MMP16: variants seen among roughly 807,000 people sequenced by gnomAD.
MMP16 encodes the protein matrix metalloproteinase-16.
A neutral mutation model predicts 67.8 loss-of-function variants in MMP16; 12 were observed. The ratio of observed to expected loss-of-function variants is 0.18; its 90% CI spans 0.11 to 0.29. The LOEUF is 0.29. Among genes scored for constraint, MMP16 ranks in the 10% least tolerant of loss-of-function variants. MMP16 has a pLI of 1.00. For synonymous variants in MMP16, 249 were observed against 255.9 expected, an observed-to-expected ratio of 0.97 and a Z score of 0.26; for missense variants, 475 against 765.7, an observed-to-expected ratio of 0.62 and a Z score of 4.48.
intron 4 of MMP16, among the ~76,000 whole-genome samples, chr8:88,130,530 A>G (rs1181601777): frequency 6.6e-6 from 1 of 151,754 alleles, no homozygotes; most frequent in African/African-American, 2.4e-5. Context: ...TATTCCACAT[A>G]TTCTGTAACT....
intron 3 of MMP16, among the ~76,000 whole-genome samples, chr8:88,171,960 G>T (rs1808811276): frequency 6.6e-6 from 1 of 151,924 alleles, no homozygotes; most frequent in South Asian, 2.1e-4. Flanking sequence ...CCGAGTAGCT[G>T]AGATTACAGG....
chr8:88,314,275 T>C (rs886826119), intron 1 of MMP16, among the ~76,000 whole-genome samples: 6 of 152,338 alleles, frequency 3.9e-5, no homozygotes, highest in African/African-American at 1.2e-4. Flanking sequence ...CTTTTGGACA[T>C]AAAGAATATA....
At chr8:88,222,340 A>G (rs1399352653) in intron 1 of MMP16, among the ~76,000 whole-genome samples, 1 of 152,190 alleles carries the variant, frequency 6.6e-6, no homozygotes, top group Non-Finnish European at 1.5e-5. Context: ...AATTGGAAAA[A>G]ACTAGTTTAA....
In MMP16 at chr8:88,289,901, G is replaced by C. The variant is rs539185411; in HGVS notation, c.132+37174C>G. Among the ~76,000 whole-genome samples, 9 of 152,170 alleles carry C rather than the reference G, an allele frequency of 5.9e-5. No individual in the cohort carries two copies. In the South Asian group the frequency reaches 1.7e-3, roughly 28 times the overall value. On this transcript the variant is annotated intron_variant, in intron 1 of 9. Coordinates refer to ENST00000286614, the MANE Select transcript of MMP16 (RefSeq NM_005941.5). ...TTGAAACTTCCTCCAGCTGGCTCTA[G>C]GGTGCTTCCCTCACTACCCTGCACT... is the stretch of plus-strand genomic sequence containing the variant.
intron 4 of MMP16, among the ~76,000 whole-genome samples, chr8:88,128,143 T>C (rs1395736430): frequency 6.6e-6 from 1 of 151,796 alleles, no homozygotes; most frequent in Non-Finnish European, 1.5e-5. Context: ...ATCAGCCTTT[T>C]GAATCCTTCA....
At chr8:88,144,616 T>A (rs118109889) in intron 4 of MMP16, among the ~76,000 whole-genome samples, 2,277 of 151,966 alleles carry the variant, frequency 0.015, 29 homozygotes, top group Non-Finnish European at 0.022. Flanking sequence ...AATAATAAAG[T>A]TCCATTTTAT....
chr8:88,290,612 C>T (rs1810912327), intron 1 of MMP16, among the ~76,000 whole-genome samples: 1 of 152,108 alleles, frequency 6.6e-6, no homozygotes, highest in South Asian at 2.1e-4. Context: ...GGGTGTGACT[C>T]TGTTGCCTAA....
chr8:88,096,929 T>A (rs1809038162), intron 6 of MMP16, among the ~76,000 whole-genome samples: 1 of 151,954 alleles, frequency 6.6e-6, no homozygotes, highest in Non-Finnish European at 1.5e-5. Flanking sequence ...GTAGACAGAT[T>A]TCTCTCAATC....
At chr8:88,299,193 T>C (rs1811060705) in intron 1 of MMP16, among the ~76,000 whole-genome samples, 1 of 152,186 alleles carries the variant, frequency 6.6e-6, no homozygotes, top group Non-Finnish European at 1.5e-5. Context: ...GAAGAAAATA[T>C]ATTGCAAACA....
intron 4 of MMP16, among the ~76,000 whole-genome samples, chr8:88,126,991 T>G (rs1471962343): frequency 6.6e-6 from 1 of 151,832 alleles, no homozygotes; most frequent in Non-Finnish European, 1.5e-5. Flanking sequence ...CAACAAACTT[T>G]TGAGGTAGAT....
intron 4 of MMP16, among the ~76,000 whole-genome samples, chr8:88,137,224 T>C (rs558521149): frequency 6.6e-6 from 1 of 152,006 alleles, no homozygotes; most frequent in Non-Finnish European, 1.5e-5. Flanking sequence ...GGGTTACCTA[T>C]TTCTTTTTGC....
At chr8:88,112,917 T>C (rs766694844) in intron 6 of MMP16, among the ~76,000 whole-genome samples, 59 of 151,858 alleles carry the variant, frequency 3.9e-4, no homozygotes, top group Non-Finnish European at 6.9e-4. Context: ...TAGATTTTTT[T>C]ATTTTTGGCT....
At chr8:88,301,071 T>G (rs1055637001) in intron 1 of MMP16, among the ~76,000 whole-genome samples, 2 of 152,164 alleles carry the variant, frequency 1.3e-5, no homozygotes, top group Non-Finnish European at 2.9e-5. Flanking sequence ...ACCTTAAAAT[T>G]TATCAATCAT....
intron 1 of MMP16, among the ~76,000 whole-genome samples, chr8:88,284,214 T>C (rs1391110849): frequency 2.0e-5 from 3 of 152,184 alleles, no homozygotes; most frequent in Non-Finnish European, 1.5e-5. Context: ...CAAAAAGCAA[T>C]GTCTTATCAT....
intron 2 of MMP16, among the ~76,000 whole-genome samples, chr8:88,194,871 C>T (rs1037509475): frequency 6.6e-6 from 1 of 152,044 alleles, no homozygotes. Context: ...AATACAGCTC[C>T]AAACCAAAAC....
chr8:88,217,437 A>G (rs888488126), intron 1 of MMP16, among the ~76,000 whole-genome samples: 1 of 152,072 alleles, frequency 6.6e-6, no homozygotes, highest in Non-Finnish European at 1.5e-5. Flanking sequence ...TCCCATATCT[A>G]TATCTATACA....
At chr8:88,230,318 T>A (rs1459084535) in intron 1 of MMP16, among the ~76,000 whole-genome samples, 2 of 152,100 alleles carry the variant, frequency 1.3e-5, no homozygotes, top group African/African-American at 4.8e-5. Flanking sequence ...TAAACGAATT[T>A]AAGTAACTGA....
intron 6 of MMP16, among the ~76,000 whole-genome samples, chr8:88,095,388 CT>C (rs1278832529): frequency 6.6e-6 from 1 of 151,502 alleles, no homozygotes; most frequent in Non-Finnish European, 1.5e-5. Context: ...TGACTTTGGT[CT>C]TCTATGCATT....
At chr8:88,164,023 T>C (rs1808673012) in intron 4 of MMP16, among the ~76,000 whole-genome samples, 1 of 152,108 alleles carries the variant, frequency 6.6e-6, no homozygotes, top group African/African-American at 2.4e-5. Context: ...TCAAAAGGTA[T>C]GACTATTAGC....
Sources: allele counts gnomAD v4.1 joint callset (sites outside exome capture counted in the v4.1 genomes callset), GRCh38; gene constraint gnomAD v4.1.1; transcripts MANE v1.5; gene names NCBI Gene and HGNC (gene_info 2026-07-23, HGNC 2026-07-21).